The following CMC2 variants were observed in gnomAD, a reference collection of about 807,000 sequenced individuals.
CMC2 encodes COX assembly mitochondrial protein 2 homolog.
In CMC2, 5 loss-of-function variants were observed where a neutral mutation model predicts 7.5. The observed-to-expected ratio is 0.66, with a 90% CI of 0.35 to 1.40. The LOEUF is 1.40. CMC2 is among the 40% of genes most tolerant of loss of function. The pLI is 0.04. For synonymous variants in CMC2, 37 were observed against 31.4 expected, an observed-to-expected ratio of 1.18 and a Z score of -0.60; for missense variants, 115 against 92.3, an observed-to-expected ratio of 1.25 and a Z score of -1.01.
intron 1 of CMC2, among the ~76,000 whole-genome samples, chr16:81,001,056 C>T (rs567330828): frequency 1.3e-5 from 2 of 152,312 alleles, no homozygotes; most frequent in East Asian, 3.9e-4. Context: ...AACATGGATG[C>T]AGCTGGAAGC....
chr16:80,981,468 T>C (rs1967103767), intron 3 of CMC2, among the ~76,000 whole-genome samples: 1 of 152,232 alleles, frequency 6.6e-6, no homozygotes, highest in Non-Finnish European at 1.5e-5. Context: ...CTGAGAGTTT[T>C]AGTTACCTAC....
intron 2 of CMC2, among the ~76,000 whole-genome samples, chr16:80,984,823 A>T (rs1178021762): frequency 6.6e-6 from 1 of 152,226 alleles, no homozygotes; most frequent in Admixed American, 6.5e-5. Flanking sequence ...CTTTTACCTC[A>T]ATATTAACTA....
intron 1 of CMC2, among the ~76,000 whole-genome samples, chr16:81,005,760 G>A (rs973823115): frequency 6.6e-6 from 1 of 152,204 alleles, no homozygotes; most frequent in Admixed American, 6.5e-5. Context: ...AGCTTTCCCT[G>A]AATAAACATT....
chr16:80,988,093 AG>A (rs1716523326), intron 2 of CMC2, among the ~76,000 whole-genome samples: 1 of 152,162 alleles, frequency 6.6e-6, no homozygotes, highest in African/African-American at 2.4e-5. Flanking sequence ...ATGAGGCAGA[AG>A]GATCACTTGA....
intron 2 of CMC2, among the ~76,000 whole-genome samples, chr16:80,990,345 T>C (rs1327288146): frequency 2.0e-5 from 3 of 152,060 alleles, no homozygotes; most frequent in Non-Finnish European, 4.4e-5. Context: ...TAATTTTTTA[T>C]TTTTGGTAGA....
intron 2 of CMC2, among the ~76,000 whole-genome samples, chr16:80,989,772 A>G (rs1481609989): frequency 6.6e-6 from 1 of 152,218 alleles, no homozygotes; most frequent in African/African-American, 2.4e-5. Flanking sequence ...ATCCAACATC[A>G]CAGGATACAT....
At chr16:81,000,490 C>T (rs528522364) in intron 1 of CMC2, among the ~76,000 whole-genome samples, 208 of 151,158 alleles carry the variant, frequency 1.4e-3, no homozygotes, top group Non-Finnish European at 2.5e-3. Context: ...AGTGAGACTC[C>T]GTCTCGAAAA....
chr16:80,971,454 T>C lies in CMC2; in HGVS notation c.*4639A>G, dbSNP rs72813719. On this transcript the variant is annotated 3_prime_UTR_variant, in exon 4 of 4. Coordinates refer to ENST00000219400, the MANE Select transcript of CMC2 (RefSeq NM_020188.5). ...ATTTATCAACATAGTATTTTTTTTT[T>C]AAAAAAAAAAGGTACGCTACCAAAG... 2 of 139,592 alleles carry C rather than the reference T, an allele frequency of 1.4e-5. No homozygotes were observed. The highest frequency in any genetic ancestry group is 4.1e-4 in the East Asian group (2 of 4,886). 8.6% of individuals were successfully genotyped at this position (139,592 alleles called of 1,614,324 possible).
intron 2 of CMC2, among the ~76,000 whole-genome samples, chr16:80,994,512 T>C (rs1256728655): frequency 6.6e-6 from 1 of 151,768 alleles, no homozygotes; most frequent in Non-Finnish European, 1.5e-5. Flanking sequence ...AAAGAATGCT[T>C]ATAACTCAGT....
chr16:80,988,360 T>G (rs1224903179), intron 2 of CMC2, among the ~76,000 whole-genome samples: 1 of 152,190 alleles, frequency 6.6e-6, no homozygotes, highest in African/African-American at 2.4e-5. Context: ...TGGGCTCAAT[T>G]TAACACTTAA....
At chr16:80,986,114 C>A (rs1967510227) in intron 2 of CMC2, among the ~76,000 whole-genome samples, 1 of 152,048 alleles carries the variant, frequency 6.6e-6, no homozygotes, top group Non-Finnish European at 1.5e-5. Context: ...TTGGGAGGCC[C>A]AGGCGGGCGG....
chr16:80,970,251 G>GTC lies in CMC2; in HGVS notation c.*5840_*5841dup, dbSNP rs894503538. 2.6e-5 allele frequency: 4 copies of GTC among 152,086 alleles called. No individual in the cohort carries two copies. The highest frequency in any genetic ancestry group is 2.1e-4 in the South Asian group (1 of 4,830). The allele number at this position is 152,086 out of a possible 1,614,324, so 9.4% of individuals were successfully genotyped here. On this transcript the variant is annotated 3_prime_UTR_variant, in exon 4 of 4. Coordinates refer to ENST00000219400, the MANE Select transcript of CMC2 (RefSeq NM_020188.5). ...CCAGAAAATGGATGCTTCATGGACC[G>GTC]TCTCTCTCTCAATTTAAGTCAATTC...
intron 1 of CMC2, among the ~76,000 whole-genome samples, chr16:80,999,136 G>A (rs968247810): frequency 6.6e-6 from 1 of 152,138 alleles, no homozygotes; most frequent in Non-Finnish European, 1.5e-5. Flanking sequence ...AATAAGAAAA[G>A]AAGTCAAACT....
At chr16:80,988,278 G>T (rs2151630994) in intron 2 of CMC2, among the ~76,000 whole-genome samples, 1 of 152,274 alleles carries the variant, frequency 6.6e-6, no homozygotes, top group Middle Eastern at 3.4e-3. Flanking sequence ...GCTGTTGAGA[G>T]ACATGGTCTC....
In CMC2 at chr16:80,992,991, T is replaced by C. The variant is rs917361887; in HGVS notation, c.81+4323A>G. ...ATTCAGGGTCCTTACTTAGGCACAC[T>C]TTCCCCACACCTAGGTTATATAAGA... On this transcript the variant is annotated intron_variant, in intron 2 of 3. Coordinates refer to ENST00000219400, the MANE Select transcript of CMC2 (RefSeq NM_020188.5). 5.9e-5 allele frequency among the ~76,000 whole-genome samples: 9 copies of C among 152,322 alleles called. No individual in the cohort carries two copies. The South Asian group carries it at 1.2e-3, about 21-fold the overall frequency.
chr16:80,994,349 C>A (rs1301651378), intron 2 of CMC2, among the ~76,000 whole-genome samples: 1 of 149,656 alleles, frequency 6.7e-6, no homozygotes, highest in East Asian at 2.0e-4. Flanking sequence ...ATCCTTAAGA[C>A]ACAAAAAGCA....
At chr16:80,977,742 T>G (rs754933322) in intron 3 of CMC2, among the ~76,000 whole-genome samples, 3 of 152,188 alleles carry the variant, frequency 2.0e-5, no homozygotes, top group Non-Finnish European at 2.9e-5. Flanking sequence ...TCTTCTGGAA[T>G]GGTAGTTTTC....
At chr16:81,006,606 C>G (rs1969367302) in intron 1 of CMC2, 128 bp downstream of exon 1, 1 of 677,700 alleles carries the variant, frequency 1.5e-6, no homozygotes, top group Admixed American at 6.3e-5. Context: ...CTGCGGCAGC[C>G]GGGTCTTCCT....
intron 1 of CMC2, among the ~76,000 whole-genome samples, chr16:81,003,419 C>T (rs941045209): frequency 6.6e-6 from 1 of 152,168 alleles, no homozygotes; most frequent in Admixed American, 6.5e-5. Flanking sequence ...AATGCAATAA[C>T]CTTATGAAAC....
Sources: gnomAD v4.1 joint callset for allele counts (sites outside exome capture counted in the v4.1 genomes callset) on GRCh38, gnomAD v4.1.1 for gene constraint, MANE v1.5 for transcripts, NCBI Gene and HGNC (gene_info 2026-07-23, HGNC 2026-07-21) for gene names.